DLG1: variants seen among roughly 807,000 people sequenced by gnomAD.
The protein encoded by DLG1 is disks large homolog 1.
A neutral mutation model predicts 123.4 loss-of-function variants in DLG1; 42 were observed. The ratio of observed to expected loss-of-function variants is 0.34; its 90% CI spans 0.27 to 0.44. DLG1 has a LOEUF of 0.44. DLG1 is among the 20% of genes least tolerant of loss of function. The probability of loss-of-function intolerance (pLI) is 1.00; values close to 1 mark genes in which losing one functional copy is unlikely to be tolerated. For missense variants in DLG1, 942 were observed against 1,082.6 expected (o/e 0.87, Z 1.82); for synonymous variants, 317 against 356.2 (o/e 0.89, Z 1.24).
chr3:197,085,885 A>T (rs1006683238), intron 15 of DLG1, 129 bp from the exon 16 acceptor site: 1 of 729,864 alleles, frequency 1.4e-6, no homozygotes, highest in African/African-American at 1.8e-5. Flanking sequence ...GCCCAGTTCA[A>T]TTCTGCACTG....
At chr3:197,046,725 C>T (rs1723399027) in intron 24 of DLG1, among the ~76,000 whole-genome samples, 1 of 151,984 alleles carries the variant, frequency 6.6e-6, no homozygotes, top group African/African-American at 2.4e-5. Flanking sequence ...CAAAAATTAG[C>T]TGGGCATGTT....
chr3:197,176,169 C>T (rs541391726), intron 5 of DLG1, among the ~76,000 whole-genome samples: 1 of 152,072 alleles, frequency 6.6e-6, no homozygotes, highest in African/African-American at 2.4e-5. Flanking sequence ...CATTAAGACA[C>T]CAATTTTATA....
chr3:197,213,064 C>A (rs2150415129), intron 4 of DLG1, among the ~76,000 whole-genome samples: 1 of 152,162 alleles, frequency 6.6e-6, no homozygotes, highest in East Asian at 1.9e-4. Flanking sequence ...AACCTCAAGA[C>A]AGTTATCAAA....
At chr3:197,227,090 C>T (rs144165715) in intron 4 of DLG1, among the ~76,000 whole-genome samples, 45 of 152,306 alleles carry the variant, frequency 3.0e-4, no homozygotes, top group Non-Finnish European at 1.3e-4. Context: ...ATATTTACTG[C>T]TTCATCTATG....
intron 13 of DLG1, among the ~76,000 whole-genome samples, chr3:197,110,351 T>C (rs1019053613): frequency 2.6e-5 from 4 of 152,240 alleles, no homozygotes; most frequent in Non-Finnish European, 4.4e-5. Context: ...TTCTTACATA[T>C]AATTTCTAAC....
chr3:197,250,737 G>A (rs1276877252), intron 4 of DLG1, among the ~76,000 whole-genome samples: 1 of 151,976 alleles, frequency 6.6e-6, no homozygotes, highest in African/African-American at 2.4e-5. Context: ...ACTCACACGT[G>A]TCATTCCAGC....
At chr3:197,103,368 T>C (rs1764580549) in intron 14 of DLG1, among the ~76,000 whole-genome samples, 1 of 152,138 alleles carries the variant, frequency 6.6e-6, no homozygotes, top group Non-Finnish European at 1.5e-5. Context: ...AAAAAGTTTA[T>C]ATTCCTTATA....
At chr3:197,116,559 G>A (rs1773414264) in intron 12 of DLG1, among the ~76,000 whole-genome samples, 1 of 152,182 alleles carries the variant, frequency 6.6e-6, no homozygotes, top group Non-Finnish European at 1.5e-5. Context: ...CCCCTTTGCT[G>A]AGGTGAGAGT....
chr3:197,194,336 A>G, intron 5 of DLG1, 89 bp downstream of exon 5: 1 of 902,932 alleles, frequency 1.1e-6, no homozygotes, highest in Non-Finnish European at 1.5e-6. Flanking sequence ...GCGAACCTAC[A>G]TGAAAGAATA....
At chr3:197,212,941 T>C (rs779458732) in intron 4 of DLG1, among the ~76,000 whole-genome samples, 23 of 151,954 alleles carry the variant, frequency 1.5e-4, no homozygotes, top group Non-Finnish European at 2.6e-4. Context: ...ATGGCCAAAT[T>C]TGGGGAGAAA....
intron 11 of DLG1, 112 bp downstream of exon 11, chr3:197,130,415 T>G: frequency 4.1e-6 from 4 of 982,286 alleles, no homozygotes; most frequent in Non-Finnish European, 5.4e-6. Context: ...AATTGTTTCT[T>G]TAAAAATATT....
At chr3:197,086,206 T>C (rs980275847) in intron 15 of DLG1, among the ~76,000 whole-genome samples, 1 of 152,222 alleles carries the variant, frequency 6.6e-6, no homozygotes, top group African/African-American at 2.4e-5. Context: ...TTCTGTCCAT[T>C]AATTATTCCT....
intron 3 of DLG1, among the ~76,000 whole-genome samples, chr3:197,286,145 T>C (rs1287907749): frequency 6.6e-6 from 1 of 152,130 alleles, no homozygotes; most frequent in East Asian, 1.9e-4. Context: ...TGATTCCAAT[T>C]ATGACATTCT....
chr3:197,294,657 C>CA (rs71926647), intron 3 of DLG1, among the ~76,000 whole-genome samples: 4,059 of 78,976 alleles, frequency 0.051, 128 homozygotes, highest in Non-Finnish European at 0.067. Flanking sequence ...GACTCTGCCT[C>CA]AAAAAAAAAA....
rs982448242 is a variant in DLG1, at chr3:197,110,656, T to C, written c.1443+5271A>G. 1.1e-4 allele frequency among the ~76,000 whole-genome samples: 17 copies of C among 152,344 alleles called. No individual in the cohort carries two copies. In the East Asian group the frequency reaches 3.3e-3, roughly 29 times the overall value. On this transcript the variant is annotated intron_variant, in intron 13 of 24. Coordinates refer to ENST00000667157, the MANE Select transcript of DLG1 (RefSeq NM_001366207.1). ...AGCAGAACTGTCCTCTTATCTACGC[T>C]TGTCATTGCTGTCTGTTAGTGACTT...
intron 14 of DLG1, among the ~76,000 whole-genome samples, chr3:197,103,685 TAAGA>T (rs1024529266): frequency 1.3e-5 from 2 of 150,914 alleles, no homozygotes; most frequent in African/African-American, 4.9e-5. Context: ...CTCCCATACT[TAAGA>T]AAGACCAAGC....
chr3:197,140,062 A>T, intron 8 of DLG1, 78 bp downstream of exon 8: 1 of 1,500,786 alleles, frequency 6.7e-7, no homozygotes, highest in Non-Finnish European at 9.0e-7. Flanking sequence ...TGTTATTTGT[A>T]TTTATCCCTT....
At chr3:197,248,599 G>A (rs1752896751) in intron 4 of DLG1, among the ~76,000 whole-genome samples, 1 of 152,218 alleles carries the variant, frequency 6.6e-6, no homozygotes, top group Non-Finnish European at 1.5e-5. Context: ...ACAAAGGAAA[G>A]CAGGGGTTTT....
At chr3:197,254,777 C>T (rs984475119) in intron 4 of DLG1, among the ~76,000 whole-genome samples, 1 of 152,116 alleles carries the variant, frequency 6.6e-6, no homozygotes, top group African/African-American at 2.4e-5. Flanking sequence ...AAAGGCTGAG[C>T]GTGGTGGCTC....
Sources: allele counts gnomAD v4.1 joint callset (sites outside exome capture counted in the v4.1 genomes callset), GRCh38; gene constraint gnomAD v4.1.1; transcripts MANE v1.5; gene names NCBI Gene and HGNC (gene_info 2026-07-23, HGNC 2026-07-21).